GSPT1: variants seen among roughly 807,000 people sequenced by gnomAD.
The protein encoded by GSPT1 is eukaryotic peptide chain release factor GTP-binding subunit ERF3A.
A neutral mutation model predicts 72.5 loss-of-function variants in GSPT1; 20 were observed. The ratio of observed to expected loss-of-function variants is 0.28; its 90% CI spans 0.19 to 0.40. GSPT1 has a LOEUF of 0.40. Ranked by LOEUF, GSPT1 falls within the 10% of genes least tolerant of loss-of-function variation. The probability of loss-of-function intolerance (pLI) is 1.00; values close to 1 mark genes in which losing one functional copy is unlikely to be tolerated. For missense variants in GSPT1, 580 were observed against 811.9 expected (o/e 0.71, Z 3.47); for synonymous variants, 334 against 293.5 (o/e 1.14, Z -1.41).
intron 1 of GSPT1, among the ~76,000 whole-genome samples, chr16:11,898,614 G>C (rs552971997): frequency 1.2e-3 from 176 of 152,128 alleles, no homozygotes; most frequent in African/African-American, 4.0e-3. Flanking sequence ...ACCATGCCCG[G>C]CTAATTTTGT....
Position 11,868,274 on chromosome 16 carries a change from G to C in GSPT1, c.*4845C>G, listed in dbSNP as rs1159753248. The C allele has an allele frequency of 6.6e-6, 1 of 151,698 alleles. No homozygotes were observed. The highest frequency in any genetic ancestry group is 2.4e-5 in the African/African-American group (1 of 41,262). The allele number at this position is 151,698 out of a possible 1,614,324, so 9.4% of individuals were successfully genotyped here. On this transcript the variant is annotated 3_prime_UTR_variant, in exon 15 of 15. Transcript: ENST00000434724. ...AGGTAGCTACAAATCGTAAGAAAAAGCTTTCTTTCCTACCTAGAGCACTCT... is the reference window on the plus strand; with the variant it reads ...AGGTAGCTACAAATCGTAAGAAAAACCTTTCTTTCCTACCTAGAGCACTCT...
At chr16:11,873,447 G>A (rs1358637979) in intron 14 of GSPT1, among the ~76,000 whole-genome samples, 1 of 152,084 alleles carries the variant, frequency 6.6e-6, no homozygotes, top group Non-Finnish European at 1.5e-5. Context: ...CAGTAGCTGA[G>A]ATACAGATGC....
chr16:11,914,360 G>A (rs1230482698), intron 1 of GSPT1, among the ~76,000 whole-genome samples: 2 of 152,260 alleles, frequency 1.3e-5, no homozygotes, highest in East Asian at 3.9e-4. Context: ...TTCCTACAAC[G>A]TCAGCACCTG....
intron 5 of GSPT1, among the ~76,000 whole-genome samples, chr16:11,892,050 AACAG>A (rs1345562362): frequency 2.6e-5 from 4 of 152,242 alleles, no homozygotes; most frequent in Admixed American, 6.5e-5. Context: ...GTCTCGAATT[AACAG>A]ACAAAGTGGC....
chr16:11,901,500 T>G (rs1484142466), intron 1 of GSPT1, among the ~76,000 whole-genome samples: 1 of 152,142 alleles, frequency 6.6e-6, no homozygotes, highest in African/African-American at 2.4e-5. Context: ...CAATTTTTTC[T>G]AAGTGGGAAA....
At chr16:11,894,887 G>A (rs2054314804) in intron 5 of GSPT1, 67 bp downstream of exon 5, 2 of 992,224 alleles carry the variant, frequency 2.0e-6, no homozygotes, top group South Asian at 1.4e-5. Context: ...ACTGTATGAA[G>A]GTTTACAATG....
chr16:11,888,914 G>C (rs2054218680), intron 6 of GSPT1, among the ~76,000 whole-genome samples: 1 of 152,206 alleles, frequency 6.6e-6, no homozygotes, highest in Non-Finnish European at 1.5e-5. Flanking sequence ...ATATCACTGT[G>C]TGTTAAGTGA....
At chr16:11,874,360 C>T (rs562897551) in intron 14 of GSPT1, among the ~76,000 whole-genome samples, 1 of 150,658 alleles carries the variant, frequency 6.6e-6, no homozygotes, top group East Asian at 1.9e-4. Context: ...CCACTGACTA[C>T]AGTGCAGTGA....
At chr16:11,890,223 G>C (rs1018647810) in intron 6 of GSPT1, among the ~76,000 whole-genome samples, 1 of 152,148 alleles carries the variant, frequency 6.6e-6, no homozygotes, top group South Asian at 2.1e-4. Flanking sequence ...GCCTCCCAAA[G>C]TGCTGAGATT....
At chr16:11,873,409 C>A (rs1033210128) in intron 14 of GSPT1, among the ~76,000 whole-genome samples, 5 of 152,116 alleles carry the variant, frequency 3.3e-5, no homozygotes, top group Non-Finnish European at 5.9e-5. Context: ...CCCGTACCCC[C>A]CAAACAATTC....
At chr16:11,907,790 G>A (rs888267409) in intron 1 of GSPT1, among the ~76,000 whole-genome samples, 8 of 152,150 alleles carry the variant, frequency 5.3e-5, no homozygotes, top group African/African-American at 1.7e-4. Flanking sequence ...TGCTAGGGTC[G>A]TATCCAGCGC....
intron 6 of GSPT1, among the ~76,000 whole-genome samples, chr16:11,888,460 T>A (rs2054211857): frequency 8.2e-6 from 1 of 121,428 alleles, no homozygotes; most frequent in Non-Finnish European, 1.7e-5. Context: ...AGACTCTGTC[T>A]CTCAAAAAAA....
chr16:11,909,768 T>C (rs1567452879), intron 1 of GSPT1, among the ~76,000 whole-genome samples: 1 of 151,882 alleles, frequency 6.6e-6, no homozygotes, highest in Admixed American at 6.6e-5. Flanking sequence ...CTACTAAAAA[T>C]ACAAAAATTA....
At chr16:11,904,982 C>T (rs2054470406) in intron 1 of GSPT1, among the ~76,000 whole-genome samples, 1 of 152,306 alleles carries the variant, frequency 6.6e-6, no homozygotes, top group Non-Finnish European at 1.5e-5. Context: ...GCAGGAGAAT[C>T]ACTGGAACCT....
At position 11,875,716 on chromosome 16, in the gene GSPT1, A is replaced by G. The variant is rs142230716; in HGVS notation, c.1861+45T>C. ...TGAGATGATGAAGATGACCAAAGCT[A>G]GGTATCCTGGATATACTACTAGACG... On this transcript the variant is annotated intron_variant, in intron 14 of 14. Transcript: ENST00000434724. The G allele has an allele frequency of 3.5e-5, 49 of 1,406,156 alleles. 1 individual carries two copies. In the East Asian group the frequency reaches 1.1e-3, roughly 32 times the overall value. The allele number at this position is 1,406,156 out of a possible 1,614,324, so 87.1% of individuals were successfully genotyped here.
chr16:11,885,423 T>G, intron 9 of GSPT1, 149 bp from the exon 10 acceptor site: 4 of 585,500 alleles, frequency 6.8e-6, no homozygotes, highest in Non-Finnish European at 1.2e-5. Context: ...TCATCTCACT[T>G]ATTCCACAGA....
In GSPT1 at chr16:11,907,389, T is replaced by C. The variant is rs115819953; in HGVS notation, c.352+7980A>G. On this transcript the variant is annotated intron_variant, in intron 1 of 14. Transcript: ENST00000434724. Reference sequence around the variant, plus strand: ...GCTTTACTGAGCCTTTATTTTCTCATCTGTAAAATGGGTCAACAGTACCTA... The same window carrying C: ...GCTTTACTGAGCCTTTATTTTCTCACCTGTAAAATGGGTCAACAGTACCTA... 3.6e-3 allele frequency among the ~76,000 whole-genome samples: 551 copies of C among 152,338 alleles called. 5 individuals carry two copies. The highest frequency in any genetic ancestry group is 0.012 in the African/African-American group (515 of 41,586).
At chr16:11,892,473 C>A (rs2054273978) in intron 5 of GSPT1, among the ~76,000 whole-genome samples, 1 of 145,390 alleles carries the variant, frequency 6.9e-6, no homozygotes, top group Non-Finnish European at 1.5e-5. Flanking sequence ...TACACAACTG[C>A]CCTCCAGCCT....
intron 1 of GSPT1, among the ~76,000 whole-genome samples, chr16:11,906,230 C>T (rs1298150949): frequency 6.6e-6 from 1 of 152,112 alleles, no homozygotes; most frequent in Non-Finnish European, 1.5e-5. Flanking sequence ...GACCAGGACC[C>T]CTAGCCTCCA....
Sources: gnomAD v4.1 joint callset for allele counts (sites outside exome capture counted in the v4.1 genomes callset) on GRCh38, gnomAD v4.1.1 for gene constraint, MANE v1.5 for transcripts, NCBI Gene and HGNC (gene_info 2026-07-23, HGNC 2026-07-21) for gene names.